RCSD1: variants seen among roughly 807,000 people sequenced by gnomAD.
RCSD1 encodes the protein capZ-interacting protein.
Under a neutral mutation model 42.5 loss-of-function variants are expected in RCSD1, and 26 were observed. That is an observed-to-expected ratio of 0.61 (90% CI 0.45 to 0.85). RCSD1 has a LOEUF of 0.85. RCSD1 is among the 40% of genes least tolerant of loss of function. The pLI is 0.00. For synonymous variants in RCSD1, 220 were observed against 212.2 expected, an observed-to-expected ratio of 1.04 and a Z score of -0.32; for missense variants, 571 against 528.3, an observed-to-expected ratio of 1.08 and a Z score of -0.79.
chr1:167,637,257 C>A (rs1218746642), intron 1 of RCSD1, among the ~76,000 whole-genome samples: 1 of 152,176 alleles, frequency 6.6e-6, no homozygotes, highest in Non-Finnish European at 1.5e-5. Context: ...ATAAGTAGTT[C>A]ATTCCTGGAG....
At position 167,697,715 on chromosome 1, in the gene RCSD1, A is replaced by G; in HGVS notation, c.1091A>G (p.Gln364Arg). The G allele has an allele frequency of 6.3e-7, 1 of 1,594,544 alleles. No individual in the cohort carries two copies. The highest frequency in any genetic ancestry group is 8.5e-7 in the Non-Finnish European group (1 of 1,171,642). ...GTGAAGGGCGGAGATGTCCCCAAGC[A>G]GGAAAAAGGCAAGGAAAAACAACAG... ...GGVKGGDVPK[Q>R]EKGKEKQQEG... The change falls in exon 6 of 7, where the codon CAG becomes CGG. Residue 364 changes from glutamine to arginine, a missense_variant. Physicochemically the swap from Gln to Arg is conservative, Grantham distance 43. Coordinates refer to ENST00000367854, the MANE Select transcript of RCSD1 (RefSeq NM_052862.4).
chr1:167,683,683 G>C (rs576317843), intron 1 of RCSD1, among the ~76,000 whole-genome samples: 2 of 152,240 alleles, frequency 1.3e-5, no homozygotes, highest in African/African-American at 4.8e-5. Context: ...TTTGTCTCCA[G>C]GTCCCCAAAG....
chr1:167,652,684 A>T (rs912897043), intron 1 of RCSD1, among the ~76,000 whole-genome samples: 1 of 152,112 alleles, frequency 6.6e-6, no homozygotes, highest in Non-Finnish European at 1.5e-5. Flanking sequence ...CTGTTATGTG[A>T]CTCATCGCAG....
chr1:167,697,551 A>G lies in RCSD1; in HGVS notation c.927A>G (p.Ala309=). The G allele has an allele frequency of 6.2e-7, 1 of 1,606,960 alleles. No individual in the cohort carries two copies. Among genetic ancestry groups the G allele is most frequent in the South Asian group, 1.1e-5 (1 of 89,588 alleles). The part of the protein sequence containing the change: ...PREEKPAGEE[A]EMEKATEVKG... ...AGGAAAAGCCAGCTGGAGAGGAAGC[A>G]GAGATGGAAAAGGCTACAGAGGTGA... Residue 309 remains alanine (A), a synonymous_variant, in exon 6 of 7, where the codon GCA becomes GCG. Transcript: ENST00000367854.
rs1322787660 is a variant in RCSD1, at chr1:167,694,402, C to G, written c.474+100C>G. ...CTGTTGTCCTGGAGAAAGGAGGAAA[C>G]ATTCGGAGTTACTGTCAGAGCTGCG... On this transcript the variant is annotated intron_variant, in intron 5 of 6. Coordinates refer to ENST00000367854, the MANE Select transcript of RCSD1 (RefSeq NM_052862.4). 3 of 1,148,228 alleles carry G rather than the reference C, an allele frequency of 2.6e-6. No individual in the cohort carries two copies. The African/African-American group carries it at 4.6e-5, about 18-fold the overall frequency. The allele number at this position is 1,148,228 out of a possible 1,614,324, so 71.1% of individuals were successfully genotyped here. A position where few individuals can be genotyped will look rare whatever the true frequency, so the allele number is the denominator to read the frequency against.
At chr1:167,631,056 C>G (rs1657684613) in intron 1 of RCSD1, among the ~76,000 whole-genome samples, 1 of 152,202 alleles carries the variant, frequency 6.6e-6, no homozygotes, top group East Asian at 1.9e-4. Flanking sequence ...CTTAAGACTC[C>G]CTTGGACACC....
intron 1 of RCSD1, among the ~76,000 whole-genome samples, chr1:167,638,199 A>T (rs1247265929): frequency 6.6e-6 from 1 of 152,134 alleles, no homozygotes; most frequent in South Asian, 2.1e-4. Context: ...CTGGCTTGTC[A>T]TCCTTTACAG....
intron 1 of RCSD1, among the ~76,000 whole-genome samples, chr1:167,677,528 T>C (rs888106132): frequency 6.6e-6 from 1 of 152,204 alleles, no homozygotes; most frequent in Non-Finnish European, 1.5e-5. Context: ...GGATGAATAT[T>C]GGGGAAACAG....
chr1:167,706,998 C>T lies in RCSD1; in HGVS notation c.*2302C>T, dbSNP rs1004768841. On this transcript the variant is annotated 3_prime_UTR_variant, in exon 7 of 7. Transcript: ENST00000367854. ...GAAAACACGGATTCTTCTACAGCAA[C>T]AGAGTTAAAGAAATAGTCATAGTCA... Among the ~76,000 whole-genome samples the T allele has an allele frequency of 3.9e-5, 6 of 152,162 alleles. No individual in the cohort carries two copies. The highest frequency in any genetic ancestry group is 2.9e-5 in the Non-Finnish European group (2 of 68,034).
chr1:167,640,692 G>A (rs2102197844), intron 1 of RCSD1: 1 of 152,356 alleles, frequency 6.6e-6, no homozygotes, highest in African/African-American at 2.4e-5. Context: ...CTGGACTATA[G>A]GCGTGCACCA....
chr1:167,701,319 T>TCC, intron 6 of RCSD1, among the ~76,000 whole-genome samples: 1 of 137,074 alleles, frequency 7.3e-6, no homozygotes, highest in South Asian at 2.5e-4. Context: ...TTTCTTTCTT[T>TCC]TTTTTAGATG....
At chr1:167,639,075 G>A (rs1021788691) in intron 1 of RCSD1, among the ~76,000 whole-genome samples, 1 of 152,138 alleles carries the variant, frequency 6.6e-6, no homozygotes, top group Non-Finnish European at 1.5e-5. Flanking sequence ...AAATTAGCCA[G>A]GCATGGTGGC....
intron 1 of RCSD1, among the ~76,000 whole-genome samples, chr1:167,669,758 C>A (rs569420038): frequency 6.6e-6 from 1 of 152,278 alleles, no homozygotes; most frequent in African/African-American, 2.4e-5. Flanking sequence ...TCCAGTACCC[C>A]CTCTTGAGGC....
At chr1:167,636,856 G>C (rs375956125) in intron 1 of RCSD1, among the ~76,000 whole-genome samples, 2 of 152,164 alleles carry the variant, frequency 1.3e-5, no homozygotes, top group African/African-American at 2.4e-5. Context: ...AAAGTGCTGG[G>C]ATTACAGGCC....
chr1:167,690,209 A>AC, intron 4 of RCSD1, 89 bp downstream of exon 4: 14 of 1,183,818 alleles, frequency 1.2e-5, no homozygotes, highest in Non-Finnish European at 1.7e-5. Context: ...TCATAGGGGT[A>AC]GCCTATGTGT....
At chr1:167,655,701 G>T (rs925837786) in intron 1 of RCSD1, among the ~76,000 whole-genome samples, 1 of 152,116 alleles carries the variant, frequency 6.6e-6, no homozygotes, top group African/African-American at 2.4e-5. Context: ...GAAGCCCTTG[G>T]TCTCCAACAA....
chr1:167,657,122 G>T (rs1247294559), intron 1 of RCSD1, among the ~76,000 whole-genome samples: 1 of 152,240 alleles, frequency 6.6e-6, no homozygotes, highest in Non-Finnish European at 1.5e-5. Flanking sequence ...AAGTGAGCCA[G>T]TGTCCATGAT....
At chr1:167,699,711 C>T (rs12070788) in intron 6 of RCSD1, among the ~76,000 whole-genome samples, 4,087 of 152,340 alleles carry the variant, frequency 0.027, 192 homozygotes, top group African/African-American at 0.093. Context: ...GTACCCACCT[C>T]TCCCTGACTC....
chr1:167,658,499 C>T (rs1047313693), intron 1 of RCSD1, among the ~76,000 whole-genome samples: 1 of 152,194 alleles, frequency 6.6e-6, no homozygotes, highest in Non-Finnish European at 1.5e-5. Context: ...AATCTTGGCT[C>T]TCTGCAACCT....
Sources: allele counts gnomAD v4.1 joint callset (sites outside exome capture counted in the v4.1 genomes callset), GRCh38; gene constraint gnomAD v4.1.1; transcripts MANE v1.5; gene names NCBI Gene and HGNC (gene_info 2026-07-23, HGNC 2026-07-21).